The following BRI3BP variants were observed in gnomAD, a reference collection of about 807,000 sequenced individuals.
BRI3BP encodes the protein BRI3-binding protein.
A neutral mutation model predicts 15.8 loss-of-function variants in BRI3BP; 7 were observed. That is an observed-to-expected ratio of 0.44 (90% CI 0.25 to 0.83). The LOEUF is 0.83. Among genes scored for constraint, BRI3BP ranks in the 40% least tolerant of loss-of-function variants. The pLI is 0.20. For synonymous variants in BRI3BP, 192 were observed against 163.5 expected (o/e 1.17, Z -1.33); for missense variants, 320 against 339.3 (o/e 0.94, Z 0.45).
At chr12:125,007,099 T>A (rs1345146597) in intron 1 of BRI3BP, among the ~76,000 whole-genome samples, 1 of 152,054 alleles carries the variant, frequency 6.6e-6, no homozygotes, top group African/African-American at 2.4e-5. Context: ...CTTAGGAGGC[T>A]GAGGCAGGAG....
chr12:125,036,066 T>G (rs1955438064), downstream of BRI3BP, among the ~76,000 whole-genome samples: 1 of 5,230 alleles, frequency 1.9e-4, no homozygotes, highest in Non-Finnish European at 7.5e-3. Flanking sequence ...GTTTTGTTTT[T>G]GTTTTTTGTT....
chr12:125,018,622 G>C (rs555221072), intron 2 of BRI3BP, among the ~76,000 whole-genome samples: 2 of 151,422 alleles, frequency 1.3e-5, no homozygotes, highest in African/African-American at 4.9e-5. Context: ...CTGACACGCT[G>C]TTCACAGACT....
intron 1 of BRI3BP, among the ~76,000 whole-genome samples, chr12:125,000,344 C>T (rs1282139208): frequency 2.2e-5 from 3 of 136,750 alleles, no homozygotes; most frequent in African/African-American, 8.3e-5. Flanking sequence ...GAGGGAGTCT[C>T]GCTCTGCCAC....
In BRI3BP at chr12:125,004,823, C is replaced by G. The variant is rs549262196; in HGVS notation, c.214-7711C>G. 4.6e-5 allele frequency among the ~76,000 whole-genome samples: 7 copies of G among 152,184 alleles called. No individual in the cohort carries two copies. The South Asian group carries it at 8.3e-4, about 18-fold the overall frequency. On this transcript the variant is annotated intron_variant, in intron 1 of 2. Transcript: ENST00000341446. ...TCAGGCTCTACTTGTTTTTGATGAC[C>G]TTGACAGTTTTCAGGAGCATTGATC...
At chr12:125,017,156 A>G (rs1420511651) in intron 2 of BRI3BP, among the ~76,000 whole-genome samples, 1 of 151,542 alleles carries the variant, frequency 6.6e-6, no homozygotes, top group Non-Finnish European at 1.5e-5. Flanking sequence ...AGTAGCTGGG[A>G]TTACAGGCAC....
the BRI3BP span, among the ~76,000 whole-genome samples, chr12:125,038,490 G>T: frequency 6.6e-6 from 1 of 152,166 alleles, no homozygotes; most frequent in East Asian, 1.9e-4. Flanking sequence ...AATCTGCCGG[G>T]CGTGGTGGCT....
In BRI3BP at chr12:125,025,613, G is replaced by T. The variant is rs1488758438; in HGVS notation, c.*183G>T. On this transcript the variant is annotated 3_prime_UTR_variant, in exon 3 of 3. Coordinates refer to ENST00000341446, the MANE Select transcript of BRI3BP (RefSeq NM_080626.6). ...GGACACATTCCCAGAAGAGCGGAAA[G>T]ATCATTGACGTGGAACTACACACGA... 3.3e-6 allele frequency: 2 copies of T among 613,782 alleles called. No homozygotes were observed. The highest frequency in any genetic ancestry group is 3.7e-5 in the African/African-American group (2 of 54,658). 38.0% of individuals were successfully genotyped at this position (613,782 alleles called of 1,614,324 possible).
chr12:125,045,330 T>C, the BRI3BP span, among the ~76,000 whole-genome samples: 1 of 152,182 alleles, frequency 6.6e-6, no homozygotes, highest in Non-Finnish European at 1.5e-5. Flanking sequence ...CAGTCAATGC[T>C]AAGATGATGT....
chr12:125,003,713 G>A (rs1054374811), intron 1 of BRI3BP, among the ~76,000 whole-genome samples: 2 of 152,178 alleles, frequency 1.3e-5, no homozygotes, highest in Non-Finnish European at 2.9e-5. Flanking sequence ...AGCACTTTGG[G>A]AGGCCGAGGC....
At chr12:125,020,412 CATTCA>C (rs973896542) in intron 2 of BRI3BP, among the ~76,000 whole-genome samples, 51 of 152,282 alleles carry the variant, frequency 3.3e-4, no homozygotes, top group African/African-American at 1.2e-3. Flanking sequence ...GCACTAAACC[CATTCA>C]TGGGGGCTCC....
chr12:125,024,260 C>CG (rs1259500486), intron 2 of BRI3BP, among the ~76,000 whole-genome samples: 3 of 31,892 alleles, frequency 9.4e-5, no homozygotes, highest in East Asian at 2.2e-3. Flanking sequence ...CTCATGAAAC[C>CG]CCCCCCCCTC....
chr12:124,997,192 C>CTT (rs71851305), intron 1 of BRI3BP, among the ~76,000 whole-genome samples: 27 of 92,216 alleles, frequency 2.9e-4, no homozygotes, highest in South Asian at 2.3e-3. Context: ...CTTTACTTCT[C>CTT]TTTTTTTTTT....
rs1321103942 is a variant in BRI3BP, at chr12:125,030,173, G to A, written c.*4743G>A. The A allele has an allele frequency of 1.3e-5, 2 of 152,194 alleles. No individual in the cohort carries two copies. The highest frequency in any genetic ancestry group is 4.8e-5 in the African/African-American group (2 of 41,436). 9.4% of individuals were successfully genotyped at this position (152,194 alleles called of 1,614,324 possible). ...ATGAATGTCATCTGCCTTACAAGTT[G>A]ACACCTGATAACTTCTCCCTGATGG... is the stretch of plus-strand genomic sequence containing the variant. On this transcript the variant is annotated 3_prime_UTR_variant, in exon 3 of 3. Coordinates refer to ENST00000341446, the MANE Select transcript of BRI3BP (RefSeq NM_080626.6).
In BRI3BP at chr12:125,027,821, G is replaced by C. The variant is rs1024698981; in HGVS notation, c.*2391G>C. On this transcript the variant is annotated 3_prime_UTR_variant, in exon 3 of 3. Coordinates refer to ENST00000341446, the MANE Select transcript of BRI3BP (RefSeq NM_080626.6). ...TCCTACCTCAGCCTCCCAAGTAGCC[G>C]GGACTACAGGCGCCCACCATCATGC... The C allele has an allele frequency of 6.6e-6, 1 of 151,822 alleles. No homozygotes were observed. Among genetic ancestry groups the C allele is most frequent in the Non-Finnish European group, 1.5e-5 (1 of 68,030 alleles). 9.4% of individuals were successfully genotyped at this position (151,822 alleles called of 1,614,324 possible).
In BRI3BP at chr12:125,027,285, G is replaced by A. The variant is rs1207958252; in HGVS notation, c.*1855G>A. 6.6e-6 allele frequency: 1 copy of A among 152,044 alleles called. No individual in the cohort carries two copies. The highest frequency in any genetic ancestry group is 1.5e-5 in the Non-Finnish European group (1 of 68,018). The allele number at this position is 152,044 out of a possible 1,614,324, so 9.4% of individuals were successfully genotyped here. A position where few individuals can be genotyped will look rare whatever the true frequency, so the allele number is the denominator to read the frequency against. ...TCTGTTTCTAAGGTACACATGATGG[G>A]ACCCAAACTCTCCTGGAGAGTTCCA... On this transcript the variant is annotated 3_prime_UTR_variant, in exon 3 of 3. Transcript: ENST00000341446.
intron 1 of BRI3BP, among the ~76,000 whole-genome samples, chr12:125,003,374 G>A (rs1453500268): frequency 1.3e-5 from 2 of 152,142 alleles, no homozygotes; most frequent in Non-Finnish European, 2.9e-5. Flanking sequence ...GCTGGGCCTT[G>A]TTTGTCTGAG....
At chr12:124,997,507 T>A (rs1396265053) in intron 1 of BRI3BP, among the ~76,000 whole-genome samples, 1 of 151,860 alleles carries the variant, frequency 6.6e-6, no homozygotes, top group African/African-American at 2.4e-5. Context: ...TGAACCACCG[T>A]GCACCACCCA....
At chr12:125,048,533 C>T in the BRI3BP span, among the ~76,000 whole-genome samples, 1 of 151,086 alleles carries the variant, frequency 6.6e-6, no homozygotes, top group Non-Finnish European at 1.5e-5. Flanking sequence ...GGGAACATCA[C>T]ACTCTGGGGA....
chr12:125,044,942 T>C, the BRI3BP span, among the ~76,000 whole-genome samples: 13 of 152,296 alleles, frequency 8.5e-5, no homozygotes, highest in African/African-American at 2.9e-4. Flanking sequence ...TTTCAACTTA[T>C]TGTATTTAAT....
Sources: allele counts gnomAD v4.1 joint callset (sites outside exome capture counted in the v4.1 genomes callset), GRCh38; gene constraint gnomAD v4.1.1; transcripts MANE v1.5; gene names NCBI Gene and HGNC (gene_info 2026-07-23, HGNC 2026-07-21).